CDKAL1: variants seen among roughly 807,000 people sequenced by gnomAD.
CDKAL1 encodes threonylcarbamoyladenosine tRNA methylthiotransferase.
Under a neutral mutation model 68.2 loss-of-function variants are expected in CDKAL1, and 32 were observed. The observed-to-expected ratio is 0.47, with a 90% CI of 0.35 to 0.63. The LOEUF (loss-of-function observed/expected upper bound fraction) is 0.63. Among genes scored for constraint, CDKAL1 ranks in the 30% least tolerant of loss-of-function variants. The probability of loss-of-function intolerance (pLI) is 0.00; values close to 1 mark genes in which losing one functional copy is unlikely to be tolerated. For missense variants in CDKAL1, 606 were observed against 696.7 expected (o/e 0.87, Z 1.47); for synonymous variants, 234 against 244.3 (o/e 0.96, Z 0.39).
Position 21,232,048 on chromosome 6 carries a change from C to T in CDKAL1, c.*1009C>T, listed in dbSNP as rs1779999577. The T allele has an allele frequency of 7.0e-6, 1 of 143,670 alleles. No homozygotes were observed. Among genetic ancestry groups the T allele is most frequent in the South Asian group, 2.2e-4 (1 of 4,472 alleles). The allele number at this position is 143,670 out of a possible 1,614,324, so 8.9% of individuals were successfully genotyped here. On this transcript the variant is annotated 3_prime_UTR_variant, in exon 16 of 16. Transcript: ENST00000274695. ...TTGAGTCAAGGTCTCACTCTGTCAC[C>T]CTGGCTGGAGTGCAATGGCACTATC... is the stretch of plus-strand genomic sequence containing the variant.
At chr6:20,543,320 C>T (rs549172549) in intron 2 of CDKAL1, among the ~76,000 whole-genome samples, 1 of 152,152 alleles carries the variant, frequency 6.6e-6, no homozygotes, top group Non-Finnish European at 1.5e-5. Flanking sequence ...GCATCCTTGC[C>T]GGTGTTTGGT....
chr6:20,918,769 G>T (rs1024849653), intron 9 of CDKAL1, among the ~76,000 whole-genome samples: 2 of 152,192 alleles, frequency 1.3e-5, no homozygotes, highest in Non-Finnish European at 2.9e-5. Flanking sequence ...GCACATGGGA[G>T]GCTATGTAAA....
At chr6:20,642,506 C>T (rs1252273204) in intron 4 of CDKAL1, among the ~76,000 whole-genome samples, 1 of 146,104 alleles carries the variant, frequency 6.8e-6, no homozygotes, top group African/African-American at 2.5e-5. Context: ...CTGCGAGGGG[C>T]CCTTATGCGT....
intron 15 of CDKAL1, among the ~76,000 whole-genome samples, chr6:21,221,191 G>A (rs1319253426): frequency 1.3e-5 from 2 of 152,038 alleles, no homozygotes; most frequent in African/African-American, 4.8e-5. Flanking sequence ...AAATGTAATT[G>A]TGATAGAGAT....
At chr6:20,584,968 T>A (rs1765284720) in intron 4 of CDKAL1, among the ~76,000 whole-genome samples, 1 of 152,144 alleles carries the variant, frequency 6.6e-6, no homozygotes, top group Non-Finnish European at 1.5e-5. Flanking sequence ...AGTTTTCTGC[T>A]TTCTCTGTTG....
At chr6:20,703,924 T>G (rs1205283654) in intron 5 of CDKAL1, among the ~76,000 whole-genome samples, 3 of 152,186 alleles carry the variant, frequency 2.0e-5, no homozygotes, top group African/African-American at 7.2e-5. Context: ...TTCAGTTACT[T>G]GAGAAATAGT....
chr6:21,222,425 A>C (rs1389200275), intron 15 of CDKAL1, among the ~76,000 whole-genome samples: 1 of 152,226 alleles, frequency 6.6e-6, no homozygotes, highest in African/African-American at 2.4e-5. Context: ...TTCCAAAAGA[A>C]ATGGAAAGGA....
chr6:21,086,341 T>C (rs1460606881), intron 12 of CDKAL1, among the ~76,000 whole-genome samples: 1 of 152,200 alleles, frequency 6.6e-6, no homozygotes, highest in Admixed American at 6.5e-5. Context: ...AGAAACTTAA[T>C]TAAAATATAG....
At chr6:21,036,812 T>C (rs1769621164) in intron 11 of CDKAL1, among the ~76,000 whole-genome samples, 1 of 152,176 alleles carries the variant, frequency 6.6e-6, no homozygotes, top group South Asian at 2.1e-4. Flanking sequence ...AACAACAACT[T>C]AGCAGCGTTG....
chr6:20,927,576 T>G (rs1763242398), intron 9 of CDKAL1, among the ~76,000 whole-genome samples: 1 of 152,154 alleles, frequency 6.6e-6, no homozygotes, highest in Non-Finnish European at 1.5e-5. Flanking sequence ...AGTCAAACCT[T>G]TGACCTGCGG....
chr6:20,927,045 C>G (rs1434384417), intron 9 of CDKAL1, among the ~76,000 whole-genome samples: 2 of 151,712 alleles, frequency 1.3e-5, no homozygotes, highest in South Asian at 4.2e-4. Context: ...TAAGAAATGT[C>G]AAGAGAAATA....
intron 13 of CDKAL1, among the ~76,000 whole-genome samples, chr6:21,112,697 CAT>C (rs1774183530): frequency 6.6e-6 from 1 of 152,120 alleles, no homozygotes; most frequent in Non-Finnish European, 1.5e-5. Context: ...TGTCATTAAA[CAT>C]GTATGTATTT....
chr6:20,553,289 A>G (rs1372212658), intron 4 of CDKAL1, among the ~76,000 whole-genome samples: 2 of 152,072 alleles, frequency 1.3e-5, no homozygotes, highest in South Asian at 2.1e-4. Flanking sequence ...TGGGCAGATC[A>G]CCTGAGATCA....
chr6:20,964,072 C>T (rs550801982), intron 10 of CDKAL1, among the ~76,000 whole-genome samples: 53 of 152,086 alleles, frequency 3.5e-4, no homozygotes, highest in Non-Finnish European at 6.9e-4. Context: ...TCAACATCAC[C>T]GATCATTAGA....
chr6:20,948,872 G>T (rs1041267841), intron 9 of CDKAL1, among the ~76,000 whole-genome samples: 1 of 152,184 alleles, frequency 6.6e-6, no homozygotes, highest in Non-Finnish European at 1.5e-5. Flanking sequence ...TTCAGAAAGT[G>T]TATCATCCTT....
intron 9 of CDKAL1, among the ~76,000 whole-genome samples, chr6:20,951,068 G>A (rs969210684): frequency 4.2e-4 from 64 of 152,200 alleles, no homozygotes; most frequent in African/African-American, 1.4e-3. Context: ...ATTTTTAAAT[G>A]ATGTGTACTT....
chr6:20,624,304 C>T (rs1767328858), intron 4 of CDKAL1, among the ~76,000 whole-genome samples: 2 of 151,922 alleles, frequency 1.3e-5, no homozygotes, highest in South Asian at 2.1e-4. Flanking sequence ...TAGACAGCCA[C>T]CACCATACTG....
chr6:20,711,460 C>T (rs1771842946), intron 5 of CDKAL1, among the ~76,000 whole-genome samples: 1 of 152,094 alleles, frequency 6.6e-6, no homozygotes, highest in Non-Finnish European at 1.5e-5. Flanking sequence ...CCTGGCTCAG[C>T]TAGTTTAGAA....
intron 5 of CDKAL1, among the ~76,000 whole-genome samples, chr6:20,734,863 C>CTTTTTTTTTTT (rs34104100): frequency 2.3e-5 from 2 of 87,696 alleles, no homozygotes; most frequent in Non-Finnish European, 4.2e-5. Context: ...TGCTGCACCT[C>CTTTTTTTTTTT]TTTTTTTTTT....
Sources: gnomAD v4.1 joint callset for allele counts (sites outside exome capture counted in the v4.1 genomes callset) on GRCh38, gnomAD v4.1.1 for gene constraint, MANE v1.5 for transcripts, NCBI Gene and HGNC (gene_info 2026-07-23, HGNC 2026-07-21) for gene names.